Variants in APBB1IP observed in about 807,000 individuals in gnomAD.
The protein encoded by APBB1IP is amyloid beta A4 precursor protein-binding family B member 1-interacting protein.
APBB1IP carries 27 observed loss-of-function variants against 64.9 expected under a neutral mutation model. The observed-to-expected ratio is 0.42, with a 90% CI of 0.31 to 0.57. The LOEUF (loss-of-function observed/expected upper bound fraction) is 0.57. Ranked by LOEUF, APBB1IP falls within the 20% of genes least tolerant of loss-of-function variation. The pLI is 0.20. For missense variants in APBB1IP, 812 were observed against 845.5 expected, an observed-to-expected ratio of 0.96 and a Z score of 0.49; for synonymous variants, 392 against 331.0, an observed-to-expected ratio of 1.18 and a Z score of -2.00.
chr10:26,516,550 A>AAAAAAAAAAAAAAAG (rs1378542834), intron 8 of APBB1IP, among the ~76,000 whole-genome samples: 1 of 148,606 alleles, frequency 6.7e-6, no homozygotes, highest in Non-Finnish European at 1.5e-5. Flanking sequence ...TCTCAAAAAA[A>AAAAAAAAAAAAAAAG]AAAAAAAAAA....
At chr10:26,527,558 A>G (rs1049532228) in intron 8 of APBB1IP, among the ~76,000 whole-genome samples, 30 of 151,162 alleles carry the variant, frequency 2.0e-4, no homozygotes, top group African/African-American at 7.3e-4. Context: ...AAAAAAAAAA[A>G]GAAAAAAATA....
In APBB1IP at chr10:26,567,312, G is replaced by A; in HGVS notation, c.1825G>A (p.Ala609Thr). The change falls in exon 15 of 15, where the codon GCG becomes ACG. Residue 609 changes from alanine to threonine, a missense_variant. Transcript: ENST00000376236. ...GCCGCCGCCGCCGCCGCCCGCGCCC[G>A]CGCCCGCCCCCGTCCCCGACTCCGC... Reference protein sequence around the residue: ...PPPPPPPPAPAPAPVPDSARP... With the variant: ...PPPPPPPPAPTPAPVPDSARP... 8.7e-7 allele frequency: 1 copy of A among 1,151,344 alleles called. No homozygotes were observed. The highest frequency in any genetic ancestry group is 1.1e-6 in the Non-Finnish European group (1 of 923,046). 71.3% of individuals were successfully genotyped at this position (1,151,344 alleles called of 1,614,324 possible). A position where few individuals can be genotyped will look rare whatever the true frequency, so the allele number is the denominator to read the frequency against.
intron 2 of APBB1IP, among the ~76,000 whole-genome samples, chr10:26,487,541 T>C (rs918415492): frequency 6.6e-6 from 1 of 152,126 alleles, no homozygotes; most frequent in Non-Finnish European, 1.5e-5. Context: ...TTGGCTCCAC[T>C]TAATAACTCA....
At chr10:26,454,811 C>T (rs1397145353) in intron 2 of APBB1IP, among the ~76,000 whole-genome samples, 2 of 152,046 alleles carry the variant, frequency 1.3e-5, no homozygotes, top group East Asian at 1.9e-4. Context: ...GCCTGTATCC[C>T]GTACATATAT....
intron 2 of APBB1IP, among the ~76,000 whole-genome samples, chr10:26,445,156 GA>G (rs1237412765): frequency 6.9e-6 from 1 of 144,108 alleles, no homozygotes; most frequent in East Asian, 2.0e-4. Flanking sequence ...AAGAAAGAAA[GA>G]AAGAAAGAAA....
At chr10:26,480,452 C>T (rs1330461007) in intron 2 of APBB1IP, among the ~76,000 whole-genome samples, 1 of 152,088 alleles carries the variant, frequency 6.6e-6, no homozygotes, top group Non-Finnish European at 1.5e-5. Context: ...GGAAAGAAAA[C>T]TGTCAGGAAA....
chr10:26,506,699 C>T (rs1237001614), intron 6 of APBB1IP, among the ~76,000 whole-genome samples: 1 of 152,152 alleles, frequency 6.6e-6, no homozygotes, highest in East Asian at 1.9e-4. Flanking sequence ...CAGGATCTCC[C>T]CCAGGGATCT....
intron 11 of APBB1IP, among the ~76,000 whole-genome samples, chr10:26,553,670 C>T (rs748198108): frequency 2.6e-5 from 4 of 152,048 alleles, no homozygotes; most frequent in Admixed American, 6.6e-5. Context: ...CGAATGTATA[C>T]ATATATCTTT....
At chr10:26,512,050 A>C in intron 7 of APBB1IP, 144 bp downstream of exon 7, 45 of 1,038,032 alleles carry the variant, frequency 4.3e-5, no homozygotes, top group Non-Finnish European at 5.5e-5. Flanking sequence ...GGCTGATCTC[A>C]AAATCCTGTG....
At chr10:26,529,601 A>T (rs1218140773) in intron 8 of APBB1IP, among the ~76,000 whole-genome samples, 1 of 152,138 alleles carries the variant, frequency 6.6e-6, no homozygotes, top group Non-Finnish European at 1.5e-5. Context: ...CCAGATAAGG[A>T]TGATGACAAA....
At chr10:26,559,697 C>T (rs1359932284) in intron 11 of APBB1IP, among the ~76,000 whole-genome samples, 1 of 150,792 alleles carries the variant, frequency 6.6e-6, no homozygotes, top group East Asian at 2.0e-4. Flanking sequence ...TCTCAGCTCA[C>T]TGCAACCTCC....
chr10:26,448,731 C>CT (rs1835428725), intron 2 of APBB1IP, among the ~76,000 whole-genome samples: 2 of 152,126 alleles, frequency 1.3e-5, no homozygotes, highest in Admixed American at 1.3e-4. Context: ...CATTTGCTTG[C>CT]TTTCCTTTTT....
intron 8 of APBB1IP, among the ~76,000 whole-genome samples, chr10:26,525,587 T>C (rs541060913): frequency 6.6e-6 from 1 of 152,152 alleles, no homozygotes; most frequent in Admixed American, 6.6e-5. Context: ...AAGGCAGCTT[T>C]AGTTTAGAAG....
chr10:26,502,493 T>A (rs1427126418), intron 5 of APBB1IP, among the ~76,000 whole-genome samples: 1 of 151,986 alleles, frequency 6.6e-6, no homozygotes, highest in African/African-American at 2.4e-5. Flanking sequence ...TACAAAAAAA[T>A]TAGCCAGGCA....
At chr10:26,513,115 C>T (rs374103525) in intron 7 of APBB1IP, among the ~76,000 whole-genome samples, 12 of 151,964 alleles carry the variant, frequency 7.9e-5, no homozygotes. Context: ...TAAAAAATGT[C>T]GATATGAAAA....
chr10:26,505,892 G>A (rs887247425), intron 6 of APBB1IP, among the ~76,000 whole-genome samples: 1 of 152,050 alleles, frequency 6.6e-6, no homozygotes, highest in African/African-American at 2.4e-5. Context: ...CATCTCACAC[G>A]TGAAGCCAGA....
chr10:26,510,734 T>TCTCTCTCTCA (rs375916170), intron 6 of APBB1IP, among the ~76,000 whole-genome samples: 95 of 135,982 alleles, frequency 7.0e-4, no homozygotes, highest in East Asian at 4.4e-3. Context: ...AGACCCTGTC[T>TCTCTCTCTCA]CACACACACA....
chr10:26,543,755 C>G (rs974709411), intron 11 of APBB1IP, among the ~76,000 whole-genome samples: 1 of 152,042 alleles, frequency 6.6e-6, no homozygotes, highest in African/African-American at 2.4e-5. Flanking sequence ...ATGGGGTGTT[C>G]ACAGAGAGGC....
chr10:26,498,239 T>G lies in APBB1IP; in HGVS notation c.160+1848T>G, dbSNP rs542812027. Among the ~76,000 whole-genome samples the G allele has an allele frequency of 5.5e-4, 84 of 152,284 alleles. 1 individual carries two copies. In the South Asian group the frequency reaches 5.8e-3, roughly 11 times the overall value. ...TTTTACAAAAGCAGGCCAGGCGTGGTGGCTCTTGCCTATAATCCCAGCACT... is the reference window on the plus strand; with the variant it reads ...TTTTACAAAAGCAGGCCAGGCGTGGGGGCTCTTGCCTATAATCCCAGCACT... On this transcript the variant is annotated intron_variant, in intron 4 of 14. Coordinates refer to ENST00000376236, the MANE Select transcript of APBB1IP (RefSeq NM_019043.4).
Sources: allele counts gnomAD v4.1 joint callset (sites outside exome capture counted in the v4.1 genomes callset), GRCh38; gene constraint gnomAD v4.1.1; transcripts MANE v1.5; gene names NCBI Gene and HGNC (gene_info 2026-07-23, HGNC 2026-07-21).